NUDCD3: variants seen among roughly 807,000 people sequenced by gnomAD.
NUDCD3 encodes the protein NudC domain containing 3.
In NUDCD3, 13 loss-of-function variants were observed where a neutral mutation model predicts 39.7. That is an observed-to-expected ratio of 0.33 (90% CI 0.21 to 0.52). The LOEUF is 0.52. Ranked by LOEUF, NUDCD3 falls within the 20% of genes least tolerant of loss-of-function variation. The pLI, the probability that NUDCD3 is intolerant of heterozygous loss-of-function variation, is 0.96. For synonymous variants in NUDCD3, 175 were observed against 172.4 expected, an observed-to-expected ratio of 1.02 and a Z score of -0.12; for missense variants, 453 against 458.1, an observed-to-expected ratio of 0.99 and a Z score of 0.10.
At chr7:44,417,159 A>C (rs1799042976) in intron 3 of NUDCD3, among the ~76,000 whole-genome samples, 1 of 152,186 alleles carries the variant, frequency 6.6e-6, no homozygotes, top group South Asian at 2.1e-4. Flanking sequence ...CACAGCCCAC[A>C]CGTTTAGAAA....
intron 3 of NUDCD3, among the ~76,000 whole-genome samples, chr7:44,410,711 G>A (rs181488017): frequency 6.6e-6 from 1 of 151,572 alleles, no homozygotes; most frequent in Admixed American, 6.6e-5. Context: ...GCTCACACCT[G>A]TAATCCCAGC....
chr7:44,423,227 G>A (rs564047121), intron 3 of NUDCD3, among the ~76,000 whole-genome samples: 11 of 152,134 alleles, frequency 7.2e-5, no homozygotes, highest in African/African-American at 1.2e-4. Flanking sequence ...TTTGAAAAGC[G>A]GCACAAGACA....
At chr7:44,392,228 G>T in intron 5 of NUDCD3, 69 bp downstream of exon 5, 1 of 1,459,924 alleles carries the variant, frequency 6.8e-7, no homozygotes, top group Non-Finnish European at 9.4e-7. Flanking sequence ...CAACCCCTCT[G>T]CCACTATCGG....
chr7:44,409,799 T>C (rs1329086082), intron 3 of NUDCD3, among the ~76,000 whole-genome samples: 1 of 152,180 alleles, frequency 6.6e-6, no homozygotes, highest in Non-Finnish European at 1.5e-5. Context: ...TAAATATCAG[T>C]ATCACTATTG....
chr7:44,455,084 G>T (rs1799867371), intron 2 of NUDCD3, among the ~76,000 whole-genome samples: 1 of 151,984 alleles, frequency 6.6e-6, no homozygotes, highest in Non-Finnish European at 1.5e-5. Flanking sequence ...TCCCATCTGA[G>T]CATTGACTTC....
intron 2 of NUDCD3, among the ~76,000 whole-genome samples, chr7:44,478,649 G>A (rs973346476): frequency 1.1e-4 from 17 of 152,200 alleles, no homozygotes; most frequent in African/African-American, 4.1e-4. Context: ...GCAGAAACAA[G>A]AATGAAATTC....
At chr7:44,391,690 C>T (rs1798519125) in intron 5 of NUDCD3, among the ~76,000 whole-genome samples, 1 of 152,150 alleles carries the variant, frequency 6.6e-6, no homozygotes, top group Non-Finnish European at 1.5e-5. Flanking sequence ...GGAAAGCAAC[C>T]CTTTTTTCCC....
intron 2 of NUDCD3, among the ~76,000 whole-genome samples, chr7:44,466,840 C>T (rs1800128326): frequency 6.6e-6 from 1 of 152,206 alleles, no homozygotes; most frequent in African/African-American, 2.4e-5. Flanking sequence ...AGTGTGCAAA[C>T]ACCCCCGCTT....
chr7:44,401,900 T>C (rs1477180733), intron 4 of NUDCD3, among the ~76,000 whole-genome samples: 1 of 152,190 alleles, frequency 6.6e-6, no homozygotes, highest in Non-Finnish European at 1.5e-5. Flanking sequence ...AACATCCAGC[T>C]ATCCTCTTAA....
intron 2 of NUDCD3, among the ~76,000 whole-genome samples, chr7:44,464,473 T>C (rs1413502433): frequency 6.6e-6 from 1 of 152,096 alleles, no homozygotes; most frequent in East Asian, 1.9e-4. Flanking sequence ...CAACAATTTT[T>C]TTTTTTTGGT....
At chr7:44,468,077 G>A (rs960224958) in intron 2 of NUDCD3, 40 of 1,611,938 alleles carry the variant, frequency 2.5e-5, no homozygotes, top group Admixed American at 6.7e-5. Context: ...CATTGGTTAT[G>A]GGAGCAACAA....
intron 2 of NUDCD3, among the ~76,000 whole-genome samples, chr7:44,462,096 C>A (rs895855072): frequency 1.3e-5 from 2 of 152,204 alleles, no homozygotes; most frequent in African/African-American, 4.8e-5. Context: ...TATTATCAAA[C>A]TCAGAGGACT....
In NUDCD3 at chr7:44,388,421, C is replaced by A. The variant is rs188810132; in HGVS notation, c.976-2300G>T. Among the ~76,000 whole-genome samples, 197 of 152,312 alleles carry A rather than the reference C, an allele frequency of 1.3e-3. 2 individuals are homozygous for A. The highest frequency in any genetic ancestry group is 4.5e-3 in the African/African-American group (188 of 41,576). The stretch of plus-strand genomic sequence containing the variant: ...GCCTGAATAAAATGTGGCTAACCTG[C>A]TACATGAGGCCACATGAGGGCACAC... On this transcript the variant is annotated intron_variant, in intron 5 of 5. Coordinates refer to ENST00000355451, the MANE Select transcript of NUDCD3 (RefSeq NM_015332.4).
chr7:44,461,272 G>A (rs1800006409), intron 2 of NUDCD3, among the ~76,000 whole-genome samples: 1 of 152,178 alleles, frequency 6.6e-6, no homozygotes, highest in South Asian at 2.1e-4. Context: ...CATCACATGG[G>A]ATTGCAACAG....
chr7:44,450,263 T>C (rs1799769582), intron 2 of NUDCD3, among the ~76,000 whole-genome samples: 1 of 151,660 alleles, frequency 6.6e-6, no homozygotes, highest in Admixed American at 6.6e-5. Flanking sequence ...CTGCAACCTC[T>C]ACCTCCTGGG....
intron 3 of NUDCD3, among the ~76,000 whole-genome samples, chr7:44,409,798 G>A (rs1798888612): frequency 2.6e-5 from 4 of 152,010 alleles, no homozygotes; most frequent in Non-Finnish European, 5.9e-5. Flanking sequence ...ATAAATATCA[G>A]TATCACTATT....
rs906705356 is a variant in NUDCD3, at chr7:44,385,318, A to G, written c.*693T>C. ...ACAAGAACCAAAGCAAGGTCGCCAC[A>G]GTCAGAGAACAGAATCCCCGCTGCA... On this transcript the variant is annotated 3_prime_UTR_variant, in exon 6 of 6. Transcript: ENST00000355451. The G allele has an allele frequency of 3.3e-5, 5 of 152,476 alleles. No individual in the cohort carries two copies. The East Asian group carries it at 9.7e-4, about 30-fold the overall frequency. The allele number at this position is 152,476 out of a possible 1,614,324, so 9.4% of individuals were successfully genotyped here.
intron 2 of NUDCD3, among the ~76,000 whole-genome samples, chr7:44,459,783 A>C (rs1296496799): frequency 1.3e-5 from 2 of 152,246 alleles, no homozygotes; most frequent in Non-Finnish European, 2.9e-5. Flanking sequence ...TCTTGAGGGC[A>C]ACTTTCTGTA....
chr7:44,482,130 G>C (rs1800503965), intron 2 of NUDCD3, among the ~76,000 whole-genome samples: 1 of 152,186 alleles, frequency 6.6e-6, no homozygotes, highest in Non-Finnish European at 1.5e-5. Context: ...TTTACAGAAA[G>C]ACTACTAGTA....
Sources: allele counts gnomAD v4.1 joint callset (sites outside exome capture counted in the v4.1 genomes callset), GRCh38; gene constraint gnomAD v4.1.1; transcripts MANE v1.5; gene names NCBI Gene and HGNC (gene_info 2026-07-23, HGNC 2026-07-21).